PRIM2: variants seen among roughly 807,000 people sequenced by gnomAD.
PRIM2 encodes DNA primase subunit 2, also known as DNA primase large subunit.
In PRIM2, 39 loss-of-function variants were observed where a neutral mutation model predicts 67.3. That is an observed-to-expected ratio of 0.58 (90% CI 0.45 to 0.76). The LOEUF is 0.76. Among genes scored for constraint, PRIM2 ranks in the 30% least tolerant of loss-of-function variants. The probability of loss-of-function intolerance (pLI) is 0.00; values close to 1 mark genes in which losing one functional copy is unlikely to be tolerated. For synonymous variants in PRIM2, 143 were observed against 198.7 expected (o/e 0.72, Z 2.36); for missense variants, 398 against 598.7 (o/e 0.66, Z 3.50).
At chr6:57,444,080 T>A (rs1772287786) in intron 7 of PRIM2, among the ~76,000 whole-genome samples, 2 of 152,204 alleles carry the variant, frequency 1.3e-5, no homozygotes, top group South Asian at 4.1e-4. Context: ...GCTGCACTTG[T>A]GCAGGTTTAT....
chr6:57,275,363 C>T, the PRIM2 span, among the ~76,000 whole-genome samples: 1 of 152,098 alleles, frequency 6.6e-6, no homozygotes, highest in Admixed American at 6.5e-5. Context: ...GTGGAGCACA[C>T]CTGTAATCCC....
At chr6:57,265,010 C>T in the PRIM2 span, among the ~76,000 whole-genome samples, 4 of 152,204 alleles carry the variant, frequency 2.6e-5, no homozygotes, top group Non-Finnish European at 5.9e-5. Context: ...AATAGTAGTA[C>T]ATGTTCTACC....
At chr6:57,275,590 G>T in the PRIM2 span, among the ~76,000 whole-genome samples, 1 of 152,246 alleles carries the variant, frequency 6.6e-6, no homozygotes, top group Non-Finnish European at 1.5e-5. Flanking sequence ...GGACTGCCAG[G>T]CTGCTAGAGA....
the PRIM2 span, among the ~76,000 whole-genome samples, chr6:57,222,534 C>A: frequency 2.0e-5 from 3 of 152,240 alleles, no homozygotes; most frequent in Admixed American, 1.3e-4. Context: ...TATCACACTT[C>A]CAGTGTCCTC....
Position 57,577,427 on chromosome 6 carries a change from A to T in PRIM2, c.1021-23666A>T, listed in dbSNP as rs1402951170. On this transcript the variant is annotated intron_variant, in intron 10 of 13. Transcript: ENST00000615550. ...TACTTTTCCATTGCCTGGTATATAA[A>T]TTTTTTTTTTTTTTTTTTTTGAGAC... Among the ~76,000 whole-genome samples the T allele has an allele frequency of 2.5e-4, 30 of 121,672 alleles. 1 individual carries two copies. The East Asian group carries it at 5.1e-3, about 21-fold the overall frequency. 79.8% of individuals were successfully genotyped at this position (121,672 alleles called of 152,430 possible).
chr6:57,420,337 T>C (rs1220762479), intron 7 of PRIM2, among the ~76,000 whole-genome samples: 3 of 152,154 alleles, frequency 2.0e-5, no homozygotes, highest in Admixed American at 1.3e-4. Flanking sequence ...ACCCTGTCTC[T>C]ACTAAAAATA....
At chr6:57,638,265 A>C (rs1319289368) in intron 13 of PRIM2, among the ~76,000 whole-genome samples, 1 of 152,218 alleles carries the variant, frequency 6.6e-6, no homozygotes, top group Non-Finnish European at 1.5e-5. Context: ...AAATATGGAA[A>C]GGAACAACTG....
chr6:57,310,617 C>T (rs1365935018), upstream of PRIM2, among the ~76,000 whole-genome samples: 2 of 151,888 alleles, frequency 1.3e-5, no homozygotes, highest in East Asian at 1.9e-4. Context: ...CAGAGGCGTT[C>T]CTCACATCCC....
At chr6:57,611,927 C>G (rs1776674256) in intron 12 of PRIM2, among the ~76,000 whole-genome samples, 1 of 151,732 alleles carries the variant, frequency 6.6e-6, no homozygotes, top group African/African-American at 2.4e-5. Flanking sequence ...TTTAAACAGG[C>G]AAAACATTTG....
intron 10 of PRIM2, among the ~76,000 whole-genome samples, chr6:57,540,151 G>T (rs1378589756): frequency 1.3e-5 from 2 of 152,116 alleles, no homozygotes; most frequent in African/African-American, 4.8e-5. Flanking sequence ...AACAGTTTTT[G>T]ATCTTTTTAT....
At chr6:57,597,680 G>T (rs1776390087) in intron 10 of PRIM2, among the ~76,000 whole-genome samples, 1 of 152,114 alleles carries the variant, frequency 6.6e-6, no homozygotes, top group Admixed American at 6.6e-5. Context: ...TTCTTTCCCA[G>T]GTTTCTCTGC....
intron 10 of PRIM2, among the ~76,000 whole-genome samples, chr6:57,587,772 C>G (rs1429754100): frequency 6.6e-6 from 1 of 150,426 alleles, no homozygotes; most frequent in African/African-American, 2.4e-5. Flanking sequence ...GGATTAGGCA[C>G]CAAGGGAAAT....
chr6:57,613,894 C>G (rs1353966461), intron 12 of PRIM2, among the ~76,000 whole-genome samples: 2 of 152,106 alleles, frequency 1.3e-5, no homozygotes, highest in East Asian at 3.8e-4. Flanking sequence ...TCTTGTCACC[C>G]AGGCTGGAGT....
rs548782317 is a variant in PRIM2, at chr6:57,398,416, T to A, written c.693+16248T>A. ...CTTAATTTCATTTTTTACCCAAAAG[T>A]CATTCAGAAGCATGTTAATTTTCAT... On this transcript the variant is annotated intron_variant, in intron 7 of 13. Transcript: ENST00000615550. 7.2e-5 allele frequency among the ~76,000 whole-genome samples: 11 copies of A among 152,294 alleles called. No homozygotes were observed. The East Asian group carries it at 1.7e-3, about 24-fold the overall frequency.
At chr6:57,273,577 C>G in the PRIM2 span, among the ~76,000 whole-genome samples, 2 of 152,200 alleles carry the variant, frequency 1.3e-5, no homozygotes, top group South Asian at 4.2e-4. Flanking sequence ...TTCAAACTTC[C>G]TCCTGTAGCT....
At chr6:57,299,712 T>C in the PRIM2 span, among the ~76,000 whole-genome samples, 2 of 152,232 alleles carry the variant, frequency 1.3e-5, no homozygotes, top group Non-Finnish European at 2.9e-5. Flanking sequence ...ATATTCATAC[T>C]TGGATATAGA....
chr6:57,409,451 G>A (rs1771012428), intron 7 of PRIM2, among the ~76,000 whole-genome samples: 1 of 152,172 alleles, frequency 6.6e-6, no homozygotes, highest in Admixed American at 6.5e-5. Context: ...TGGGATTACA[G>A]GTGTGAGCCA....
chr6:57,309,652 A>G, the PRIM2 span, among the ~76,000 whole-genome samples: 3 of 152,182 alleles, frequency 2.0e-5, no homozygotes, highest in Non-Finnish European at 4.4e-5. Context: ...TTACAGCAGC[A>G]TGATTTATAG....
chr6:57,511,631 T>G (rs1166289334), intron 8 of PRIM2, among the ~76,000 whole-genome samples: 16 of 152,120 alleles, frequency 1.1e-4, no homozygotes, highest in Non-Finnish European at 1.5e-5. Context: ...GGACTGAAAT[T>G]TATTCTTTTT....
Sources: allele counts gnomAD v4.1 joint callset (sites outside exome capture counted in the v4.1 genomes callset), GRCh38; gene constraint gnomAD v4.1.1; transcripts MANE v1.5; gene names NCBI Gene and HGNC (gene_info 2026-07-23, HGNC 2026-07-21).